Variants in TRPC3 observed in about 807,000 individuals in gnomAD.
TRPC3 encodes the protein short transient receptor potential channel 3.
A neutral mutation model predicts 90.9 loss-of-function variants in TRPC3; 54 were observed. That is an observed-to-expected ratio of 0.59 (90% CI 0.48 to 0.75). The LOEUF (loss-of-function observed/expected upper bound fraction) is 0.75, where lower values mean the gene tolerates loss of function less well. Ranked by LOEUF, TRPC3 falls within the 30% of genes least tolerant of loss-of-function variation. TRPC3 has a pLI of 0.00. For synonymous variants in TRPC3, 424 were observed against 450.9 expected, an observed-to-expected ratio of 0.94 and a Z score of 0.75; for missense variants, 918 against 1,194.5, an observed-to-expected ratio of 0.77 and a Z score of 3.41.
In TRPC3 at chr4:121,907,647, A is replaced by T. The variant is rs148779272; in HGVS notation, c.1793-80T>A. On this transcript the variant is annotated intron_variant, in intron 6 of 11. Transcript: ENST00000379645. ...ACGCAAAGCAAATACCTTAAATAGGATCTATCTTGTAGGTAGGTGGTTACC... is the reference window on the plus strand; with the variant it reads ...ACGCAAAGCAAATACCTTAAATAGGTTCTATCTTGTAGGTAGGTGGTTACC... 1.2e-5 allele frequency: 17 copies of T among 1,455,560 alleles called. No homozygotes were observed. The African/African-American group carries it at 2.1e-4, about 18-fold the overall frequency. 90.2% of individuals were successfully genotyped at this position (1,455,560 alleles called of 1,614,324 possible). A position where few individuals can be genotyped will look rare whatever the true frequency, so the allele number is the denominator to read the frequency against.
At position 121,903,012 on chromosome 4, in the gene TRPC3, G is replaced by A. The variant is rs757158418; in HGVS notation, c.2303C>T (p.Ser768Phe). 22 of 1,613,060 alleles carry A rather than the reference G, an allele frequency of 1.4e-5. 1 individual carries two copies. The highest frequency in any genetic ancestry group is 1.7e-5 in the Non-Finnish European group (20 of 1,179,566). Residue 768 changes from serine to phenylalanine, a missense_variant, in exon 9 of 12, where the codon TCC (serine) becomes TTC (phenylalanine). Around this residue, in one of 4 missense-constraint regions of TRPC3, gnomAD observed 121 missense variants for 135.7 expected, o/e 0.89. Coordinates refer to ENST00000379645, the MANE Select transcript of TRPC3 (RefSeq NM_001130698.2). Reference protein sequence around the residue: ...WKFARSKLWLSYFDDGKTLPP... With the variant: ...WKFARSKLWLFYFDDGKTLPP... Reference sequence around the variant, plus strand: ...TAATGTTTTTCCATCATCAAAATAGGATAACCAAAGTTTTGAACGAGCAAA... The same window carrying A: ...TAATGTTTTTCCATCATCAAAATAGAATAACCAAAGTTTTGAACGAGCAAA...
rs145491167 is a variant in TRPC3 at position 121,885,576 on chromosome 4, A to G, written c.2548-3147T>C. Among the ~76,000 whole-genome samples, 26 of 152,288 alleles carry G rather than the reference A, an allele frequency of 1.7e-4. No individual in the cohort carries two copies. In the East Asian group the frequency reaches 5.0e-3, roughly 29 times the overall value. ...ATGTAAATTACATAGTAGGTGCTCA[A>G]ATAATATAACTATTATTCTTTCATT... is the stretch of plus-strand genomic sequence containing the variant. On this transcript the variant is annotated intron_variant, in intron 10 of 11. Transcript: ENST00000379645.
At chr4:121,893,329 A>G (rs1267840720) in intron 10 of TRPC3, among the ~76,000 whole-genome samples, 1 of 152,184 alleles carries the variant, frequency 6.6e-6, no homozygotes, top group Non-Finnish European at 1.5e-5. Flanking sequence ...TGAATAGATC[A>G]GTGGAACAGA....
At chr4:121,913,788 A>C (rs1729196462) in intron 4 of TRPC3, among the ~76,000 whole-genome samples, 1 of 152,242 alleles carries the variant, frequency 6.6e-6, no homozygotes, top group African/African-American at 2.4e-5. Context: ...AAAATGACAA[A>C]CTTTCTGCCT....
intron 7 of TRPC3, among the ~76,000 whole-genome samples, chr4:121,905,195 A>G (rs1362409115): frequency 6.6e-6 from 1 of 152,124 alleles, no homozygotes; most frequent in Non-Finnish European, 1.5e-5. Context: ...AAATACTTAT[A>G]TTCTTTTTTA....
intron 2 of TRPC3, among the ~76,000 whole-genome samples, chr4:121,925,705 A>G (rs1052216073): frequency 6.6e-6 from 1 of 152,220 alleles, no homozygotes; most frequent in Non-Finnish European, 1.5e-5. Context: ...CACTACCACA[A>G]AAAGTAACGT....
intron 1 of TRPC3, among the ~76,000 whole-genome samples, chr4:121,948,686 A>AT (rs1333103773): frequency 1.3e-5 from 2 of 152,152 alleles, no homozygotes; most frequent in Non-Finnish European, 2.9e-5. Context: ...CATGCCTGGC[A>AT]TTTTGGGGAA....
chr4:121,887,097 C>A (rs557452504), intron 10 of TRPC3, among the ~76,000 whole-genome samples: 2 of 152,256 alleles, frequency 1.3e-5, no homozygotes, highest in South Asian at 4.1e-4. Context: ...TAAACAACTG[C>A]CCTCAGGCGT....
chr4:121,881,692 G>C (rs914416279), intron 11 of TRPC3, among the ~76,000 whole-genome samples: 1 of 151,604 alleles, frequency 6.6e-6, no homozygotes, highest in African/African-American at 2.4e-5. Flanking sequence ...CATCTCATTG[G>C]TGTTGGAAGG....
At chr4:121,902,542 T>A (rs1289587781) in intron 9 of TRPC3, among the ~76,000 whole-genome samples, 2 of 152,196 alleles carry the variant, frequency 1.3e-5, no homozygotes, top group Non-Finnish European at 2.9e-5. Flanking sequence ...TTGAGAAGCA[T>A]GGAACATACA....
intron 1 of TRPC3, among the ~76,000 whole-genome samples, chr4:121,946,867 A>T (rs1043709826): frequency 5.9e-5 from 9 of 152,202 alleles, no homozygotes; most frequent in Non-Finnish European, 5.9e-5. Context: ...TGATAATATA[A>T]AGAAAAGTTT....
At chr4:121,909,511 G>A (rs2149123999) in intron 6 of TRPC3, among the ~76,000 whole-genome samples, 1 of 152,162 alleles carries the variant, frequency 6.6e-6, no homozygotes, top group African/African-American at 2.4e-5. Context: ...CTTACCATTG[G>A]TTTGTACGGG....
At chr4:121,938,049 G>T (rs78879172) in intron 1 of TRPC3, among the ~76,000 whole-genome samples, 5,237 of 150,308 alleles carry the variant, frequency 0.035, 300 homozygotes, top group African/African-American at 0.12. Flanking sequence ...AGAGTATTAA[G>T]AAATACCCTC....
chr4:121,897,453 C>CAAAAAAAAA (rs70950860), intron 10 of TRPC3, among the ~76,000 whole-genome samples: 10 of 43,432 alleles, frequency 2.3e-4, no homozygotes, highest in African/African-American at 3.6e-4. Flanking sequence ...ATCTCAACAG[C>CAAAAAAAAA]AAAAAAAAAA....
chr4:121,881,520 G>C (rs138303096), intron 11 of TRPC3, among the ~76,000 whole-genome samples: 1 of 152,210 alleles, frequency 6.6e-6, no homozygotes, highest in Non-Finnish European at 1.5e-5. Context: ...GCTAGTTATC[G>C]ATTATAAATT....
rs1171095186 is a variant in TRPC3 at position 121,879,613 on chromosome 4, A to G, written c.*123T>C. On this transcript the variant is annotated 3_prime_UTR_variant, in exon 12 of 12. Transcript: ENST00000379645. Reference sequence around the variant, plus strand: ...AAAACCATTAAGAGCTAACTTTTAAAGGTTCACATGATAAAGGTAGTTAAT... The same window carrying G: ...AAAACCATTAAGAGCTAACTTTTAAGGGTTCACATGATAAAGGTAGTTAAT... 1.9e-6 allele frequency: 2 copies of G among 1,025,696 alleles called. No individual in the cohort carries two copies. Among genetic ancestry groups the G allele is most frequent in the Non-Finnish European group, 2.8e-6 (2 of 716,004 alleles). The allele number at this position is 1,025,696 out of a possible 1,614,324, so 63.5% of individuals were successfully genotyped here. A position where few individuals can be genotyped will look rare whatever the true frequency, so the allele number is the denominator to read the frequency against.
intron 9 of TRPC3, among the ~76,000 whole-genome samples, chr4:121,902,072 G>A (rs763431615): frequency 1.3e-5 from 2 of 152,074 alleles, no homozygotes; most frequent in Non-Finnish European, 2.9e-5. Context: ...CACTCAGGAA[G>A]GCCTATGCTT....
chr4:121,901,895 A>C (rs1447880549), intron 9 of TRPC3, among the ~76,000 whole-genome samples: 1 of 152,228 alleles, frequency 6.6e-6, no homozygotes, highest in Non-Finnish European at 1.5e-5. Context: ...CTTGTAATTC[A>C]ATAGCCTTAA....
chr4:121,899,589 A>G (rs1728634514), intron 10 of TRPC3, 23 bp downstream of exon 10: 1 of 1,593,178 alleles, frequency 6.3e-7, no homozygotes, highest in African/African-American at 1.3e-5. Flanking sequence ...AGAGATCAAG[A>G]GATACGTCTA....
Sources: gnomAD v4.1 joint callset for allele counts (sites outside exome capture counted in the v4.1 genomes callset) on GRCh38, gnomAD v4.1.1 for gene constraint, gnomAD v4.1.1 regional missense constraint, MANE v1.5 for transcripts, NCBI Gene and HGNC (gene_info 2026-07-23, HGNC 2026-07-21) for gene names.